Variants in ARHGAP15 observed in about 807,000 individuals in gnomAD.
ARHGAP15 encodes rho GTPase-activating protein 15.
In ARHGAP15, 51 loss-of-function variants were observed where a neutral mutation model predicts 63.7. That is an observed-to-expected ratio of 0.80 (90% CI 0.64 to 1.01). ARHGAP15 has a LOEUF of 1.01. Ranked by LOEUF, ARHGAP15 falls within the 50% of genes least tolerant of loss-of-function variation. ARHGAP15 has a pLI of 0.00. For missense variants in ARHGAP15, 560 were observed against 564.6 expected (o/e 0.99, Z 0.08); for synonymous variants, 191 against 193.8 (o/e 0.99, Z 0.12).
Position 143,703,412 on chromosome 2 carries a change from T to C in ARHGAP15, c.1139-7T>C. ...TCCCTAACCTTCCTTTTTATTTTTT[T>C]TTCCAGAAAAGCAAGACAACAACAC... On this transcript the variant is annotated splice_region_variant and splice_polypyrimidine_tract_variant and intron_variant, in intron 12 of 13. Coordinates refer to ENST00000295095, the MANE Select transcript of ARHGAP15 (RefSeq NM_018460.4). 1 of 1,598,310 alleles carries C rather than the reference T, an allele frequency of 6.3e-7. No homozygotes were observed. The highest frequency in any genetic ancestry group is 1.8e-5 in the Admixed American group (1 of 56,434).
intron 6 of ARHGAP15, among the ~76,000 whole-genome samples, chr2:143,324,210 G>A (rs778659242): frequency 4.1e-4 from 63 of 152,202 alleles, no homozygotes; most frequent in Admixed American, 1.6e-3. Context: ...ACAAAGATTC[G>A]TATGTAATCA....
intron 13 of ARHGAP15, among the ~76,000 whole-genome samples, chr2:143,755,275 G>T (rs891103289): frequency 7.7e-4 from 55 of 71,016 alleles, no homozygotes; most frequent in African/African-American, 4.1e-3. Flanking sequence ...CAGCATATAT[G>T]GGGGGGGGGG....
intron 12 of ARHGAP15, among the ~76,000 whole-genome samples, chr2:143,666,509 G>A (rs1682196125): frequency 6.8e-6 from 1 of 147,688 alleles, no homozygotes; most frequent in African/African-American, 2.5e-5. Flanking sequence ...ATAGGCATGG[G>A]CAAGGACTTC....
At chr2:143,497,659 G>T (rs370620354) in intron 9 of ARHGAP15, among the ~76,000 whole-genome samples, 1 of 152,146 alleles carries the variant, frequency 6.6e-6, no homozygotes, top group Non-Finnish European at 1.5e-5. Context: ...TCTGTCGTTG[G>T]TATAATTCTA....
intron 11 of ARHGAP15, among the ~76,000 whole-genome samples, chr2:143,576,509 C>T (rs10170378): frequency 0.79 from 119,862 of 152,008 alleles, 47,355 homozygotes; most frequent in African/African-American, 0.81. Flanking sequence ...TTTATGTTTC[C>T]GGTTTAAGAT....
At chr2:143,285,870 A>C (rs938934826) in intron 6 of ARHGAP15, among the ~76,000 whole-genome samples, 1 of 152,212 alleles carries the variant, frequency 6.6e-6, no homozygotes, top group South Asian at 2.1e-4. Flanking sequence ...TAAGTTATAC[A>C]TGAAAACTGA....
intron 6 of ARHGAP15, among the ~76,000 whole-genome samples, chr2:143,309,809 A>G (rs1459159868): frequency 5.3e-5 from 8 of 151,874 alleles, no homozygotes; most frequent in Admixed American, 3.3e-4. Context: ...AGTTGTAACA[A>G]CCAAAAATAT....
intron 6 of ARHGAP15, among the ~76,000 whole-genome samples, chr2:143,421,770 A>G (rs1240491066): frequency 1.2e-4 from 1 of 8,330 alleles, no homozygotes; most frequent in East Asian, 7.1e-3. Flanking sequence ...CATGGTGTAT[A>G]TATATATATA....
At chr2:143,296,682 CTT>C (rs1266746816) in intron 6 of ARHGAP15, among the ~76,000 whole-genome samples, 1 of 151,822 alleles carries the variant, frequency 6.6e-6, no homozygotes, top group Admixed American at 6.6e-5. Flanking sequence ...TTTTTTTAAA[CTT>C]TTACTTTAGG....
At chr2:143,175,247 G>A (rs1272144688) in intron 2 of ARHGAP15, among the ~76,000 whole-genome samples, 1 of 152,076 alleles carries the variant, frequency 6.6e-6, no homozygotes, top group Non-Finnish European at 1.5e-5. Context: ...AAGAAATGAG[G>A]AAGAGCACAA....
intron 6 of ARHGAP15, among the ~76,000 whole-genome samples, chr2:143,289,521 GGCAGTAGACACGATA>G (rs1455125538): frequency 6.6e-6 from 1 of 152,158 alleles, no homozygotes; most frequent in Non-Finnish European, 1.5e-5. Flanking sequence ...CTTTGTGGAA[GGCAGTAGACACGATA>G]GCAGTTTACA....
At chr2:143,595,355 T>A (rs1309689378) in intron 11 of ARHGAP15, among the ~76,000 whole-genome samples, 1 of 152,056 alleles carries the variant, frequency 6.6e-6, no homozygotes, top group Non-Finnish European at 1.5e-5. Flanking sequence ...GTTGACTGGA[T>A]CCAAAATGCA....
intron 9 of ARHGAP15, among the ~76,000 whole-genome samples, chr2:143,508,621 G>A (rs988339233): frequency 3.9e-5 from 6 of 152,204 alleles, no homozygotes; most frequent in Non-Finnish European, 8.8e-5. Context: ...ACGTACATGT[G>A]TGTATGTGTG....
chr2:143,624,275 C>T lies in ARHGAP15; in HGVS notation c.1138+8C>T, dbSNP rs1261795812. 1 of 1,608,564 alleles carries T rather than the reference C, an allele frequency of 6.2e-7. No individual in the cohort carries two copies. The highest frequency in any genetic ancestry group is 8.5e-7 in the Non-Finnish European group (1 of 1,176,388). ...AGTTTGTGGAAGCGATCAGTAAGTA[C>T]CTCACAGAAAAGGGCAGGTGGTAGA... On this transcript the variant is annotated splice_region_variant and intron_variant, in intron 12 of 13. Transcript: ENST00000295095.
chr2:143,551,158 C>T (rs1317598258), intron 10 of ARHGAP15, among the ~76,000 whole-genome samples: 1 of 151,966 alleles, frequency 6.6e-6, no homozygotes, highest in Non-Finnish European at 1.5e-5. Flanking sequence ...GAAAATAGAA[C>T]TTTTCTTTTC....
chr2:143,421,056 C>T (rs1359019087), intron 6 of ARHGAP15, among the ~76,000 whole-genome samples: 1 of 152,140 alleles, frequency 6.6e-6, no homozygotes, highest in African/African-American at 2.4e-5. Flanking sequence ...GTTTGCCAGG[C>T]TTTTAACTTC....
intron 11 of ARHGAP15, among the ~76,000 whole-genome samples, chr2:143,557,198 A>G (rs1157333282): frequency 2.6e-5 from 4 of 152,164 alleles, no homozygotes; most frequent in Non-Finnish European, 5.9e-5. Context: ...ACAAATATTT[A>G]CGGCAGCTTT....
rs1558897771 is a variant in ARHGAP15 at position 143,330,114 on chromosome 2, A to AC, written c.474+79514_474+79515insC. ...TGTCTCAAAAAAAAAAAAAAAAAAA[A>AC]AAAAAAAAAAAAAAAAACCAAAAAC... On this transcript the variant is annotated intron_variant, in intron 6 of 13. Coordinates refer to ENST00000295095, the MANE Select transcript of ARHGAP15 (RefSeq NM_018460.4). 2.7e-4 allele frequency among the ~76,000 whole-genome samples: 24 copies of AC among 88,916 alleles called. 1 individual carries two copies. Among genetic ancestry groups the AC allele is most frequent in the Non-Finnish European group, 5.1e-4 (23 of 45,148 alleles). 58.3% of individuals were successfully genotyped at this position (88,916 alleles called of 152,430 possible).
intron 2 of ARHGAP15, among the ~76,000 whole-genome samples, chr2:143,156,743 G>T (rs1427138185): frequency 6.6e-6 from 1 of 151,890 alleles, no homozygotes; most frequent in Non-Finnish European, 1.5e-5. Flanking sequence ...ATTATATTTG[G>T]AGAGTGAGAA....
Sources: gnomAD v4.1 joint callset for allele counts (sites outside exome capture counted in the v4.1 genomes callset) on GRCh38, gnomAD v4.1.1 for gene constraint, MANE v1.5 for transcripts, NCBI Gene and HGNC (gene_info 2026-07-23, HGNC 2026-07-21) for gene names.